Variants in LYRM7 observed in about 807,000 individuals in gnomAD.
LYRM7 encodes complex III assembly factor LYRM7.
In LYRM7, 9 loss-of-function variants were observed where a neutral mutation model predicts 15.8. The ratio of observed to expected loss-of-function variants is 0.57; its 90% CI spans 0.34 to 0.99. The LOEUF is 0.99. LYRM7 is among the 50% of genes least tolerant of loss of function. The probability of loss-of-function intolerance (pLI) is 0.02; values close to 1 mark genes in which losing one functional copy is unlikely to be tolerated. For missense variants in LYRM7, 115 were observed against 119.1 expected, an observed-to-expected ratio of 0.97 and a Z score of 0.16; for synonymous variants, 39 against 39.4, an observed-to-expected ratio of 0.99 and a Z score of 0.04.
At chr5:131,188,593 G>T (rs1440644983) in intron 4 of LYRM7, among the ~76,000 whole-genome samples, 2 of 151,966 alleles carry the variant, frequency 1.3e-5, no homozygotes, top group Admixed American at 1.3e-4. Flanking sequence ...TTTCTAAGGG[G>T]TTGTCTGCCT....
At chr5:131,181,302 A>AAATATATATATATATATATAT (rs1554089865) in intron 2 of LYRM7, among the ~76,000 whole-genome samples, 1 of 8,774 alleles carries the variant, frequency 1.1e-4, no homozygotes, top group Non-Finnish European at 3.3e-4. Flanking sequence ...AAAAAAAAAA[A>AAATATATATATATATATATAT]ATATATATAT....
chr5:131,188,891 A>G (rs190079338), intron 4 of LYRM7, among the ~76,000 whole-genome samples: 3 of 152,276 alleles, frequency 2.0e-5, no homozygotes, highest in Non-Finnish European at 4.4e-5. Flanking sequence ...TCACACCTGT[A>G]ATCCCTGCAC....
At chr5:131,189,778 G>T (rs981928846) in intron 4 of LYRM7, among the ~76,000 whole-genome samples, 1 of 152,026 alleles carries the variant, frequency 6.6e-6, no homozygotes, top group Non-Finnish European at 1.5e-5. Flanking sequence ...CTTCCTACCT[G>T]GTAGTATAAG....
At chr5:131,174,296 C>G (rs1755565578) in intron 1 of LYRM7, among the ~76,000 whole-genome samples, 2 of 152,258 alleles carry the variant, frequency 1.3e-5, no homozygotes, top group African/African-American at 2.4e-5. Flanking sequence ...TAAGGCTCCA[C>G]TTCTTATCCT....
intron 1 of LYRM7, chr5:131,171,817 A>G (rs1755527337): frequency 6.6e-6 from 1 of 152,222 alleles, no homozygotes; most frequent in Admixed American, 6.5e-5. Flanking sequence ...TATGGGAACC[A>G]CCAAGCAGCC....
Position 131,199,855 on chromosome 5 carries a change from A to G in LYRM7, c.*254A>G, listed in dbSNP as rs1189983477. 7.4e-6 allele frequency: 2 copies of G among 269,446 alleles called. No homozygotes were observed. Among genetic ancestry groups the G allele is most frequent in the Non-Finnish European group, 1.4e-5 (2 of 144,076 alleles). 16.7% of individuals were successfully genotyped at this position (269,446 alleles called of 1,614,324 possible). ...AAAATCAAATTTCATAAAGCAAAGT[A>G]AATGCTTAGGGAGATATATTCAATC... On this transcript the variant is annotated 3_prime_UTR_variant, in exon 5 of 5. Coordinates refer to ENST00000379380, the MANE Select transcript of LYRM7 (RefSeq NM_181705.4).
intron 3 of LYRM7, among the ~76,000 whole-genome samples, chr5:131,186,225 C>A (rs1035086721): frequency 3.9e-5 from 6 of 152,178 alleles, no homozygotes; most frequent in Admixed American, 1.3e-4. Context: ...CTTAATGACA[C>A]AGCCAAAGTT....
chr5:131,196,712 G>C lies in LYRM7; in HGVS notation c.245-2819G>C, dbSNP rs1053488474. 2.0e-5 allele frequency among the ~76,000 whole-genome samples: 3 copies of C among 151,572 alleles called. No individual in the cohort carries two copies. In the East Asian group the frequency reaches 5.8e-4, roughly 29 times the overall value. ...AGATGGAGTCTAGCTCTGTCGCCCA[G>C]GCTGAAGTACAGTGGCACGATCTCG... On this transcript the variant is annotated intron_variant, in intron 4 of 4. Coordinates refer to ENST00000379380, the MANE Select transcript of LYRM7 (RefSeq NM_181705.4).
intron 4 of LYRM7, among the ~76,000 whole-genome samples, chr5:131,190,732 C>G (rs1755872994): frequency 6.6e-6 from 1 of 152,014 alleles, no homozygotes; most frequent in African/African-American, 2.4e-5. Context: ...CTCAGGTGAT[C>G]CACCTGCCTC....
At chr5:131,178,869 G>A (rs989683420) in intron 1 of LYRM7, among the ~76,000 whole-genome samples, 7 of 150,844 alleles carry the variant, frequency 4.6e-5, no homozygotes, top group Non-Finnish European at 1.0e-4. Context: ...GGCTGAGGCA[G>A]GAGAATCGCT....
At chr5:131,197,531 T>C (rs1024687771) in intron 4 of LYRM7, among the ~76,000 whole-genome samples, 2 of 143,454 alleles carry the variant, frequency 1.4e-5, no homozygotes, top group Non-Finnish European at 3.0e-5. Flanking sequence ...GTTTTAGTGT[T>C]GTCTTCTGTC....
In LYRM7 at chr5:131,201,691, C is replaced by T. The variant is rs1756070004; in HGVS notation, c.*2090C>T. The T allele has an allele frequency of 6.6e-6, 1 of 152,270 alleles. No homozygotes were observed. The highest frequency in any genetic ancestry group is 6.5e-5 in the Admixed American group (1 of 15,276). The allele number at this position is 152,270 out of a possible 1,614,324, so 9.4% of individuals were successfully genotyped here. ...CCGAGATCGCACCATTGCACTCCAGCCTAGGCAACAAGAGTGAAACTCCGT... is the reference window on the plus strand; with the variant it reads ...CCGAGATCGCACCATTGCACTCCAGTCTAGGCAACAAGAGTGAAACTCCGT... On this transcript the variant is annotated 3_prime_UTR_variant, in exon 5 of 5. Transcript: ENST00000379380.
intron 4 of LYRM7, among the ~76,000 whole-genome samples, chr5:131,191,125 T>C (rs928910324): frequency 5.3e-5 from 8 of 151,810 alleles, no homozygotes; most frequent in Admixed American, 4.6e-4. Flanking sequence ...TTAATACATA[T>C]TGCCTTAATA....
chr5:131,180,736 T>G (rs1755677777), intron 2 of LYRM7, among the ~76,000 whole-genome samples: 1 of 152,232 alleles, frequency 6.6e-6, no homozygotes, highest in East Asian at 1.9e-4. Context: ...GATTTAAGTT[T>G]TTGTAACTCA....
chr5:131,178,158 T>C (rs920881440), intron 1 of LYRM7, among the ~76,000 whole-genome samples: 1 of 152,236 alleles, frequency 6.6e-6, no homozygotes, highest in Non-Finnish European at 1.5e-5. Context: ...TTTGATGTTA[T>C]AGGTTTTCTA....
chr5:131,201,353 A>C lies in LYRM7; in HGVS notation c.*1752A>C, dbSNP rs1459881598. On this transcript the variant is annotated 3_prime_UTR_variant, in exon 5 of 5. Coordinates refer to ENST00000379380, the MANE Select transcript of LYRM7 (RefSeq NM_181705.4). The stretch of plus-strand genomic sequence containing the variant: ...AAAAAAAAGGAAAAAGGAAAAAAAA[A>C]AGATATATTGATACAGATAGGTAGA... The C allele has an allele frequency of 6.6e-6, 1 of 152,040 alleles. No individual in the cohort carries two copies. The highest frequency in any genetic ancestry group is 1.5e-5 in the Non-Finnish European group (1 of 68,062). 9.4% of individuals were successfully genotyped at this position (152,040 alleles called of 1,614,324 possible).
Position 131,204,742 on chromosome 5 carries a change from T to TTGTG in LYRM7, c.*5157_*5160dup, listed in dbSNP as rs1554091526. On this transcript the variant is annotated 3_prime_UTR_variant, in exon 5 of 5. Transcript: ENST00000379380. ...AGCATTTCAGAAAACGGATGTTCAT[T>TTGTG]TGTGTGTGTGTGTGTGTGTAAGCAG... 3 of 149,874 alleles carry TTGTG rather than the reference T, an allele frequency of 2.0e-5. No homozygotes were observed. Among genetic ancestry groups the TTGTG allele is most frequent in the Admixed American group, 1.3e-4 (2 of 15,026 alleles). The allele number at this position is 149,874 out of a possible 1,614,324, so 9.3% of individuals were successfully genotyped here. A position where few individuals can be genotyped will look rare whatever the true frequency, so the allele number is the denominator to read the frequency against.
chr5:131,184,524 C>T (rs1755762574), intron 3 of LYRM7, among the ~76,000 whole-genome samples: 1 of 151,974 alleles, frequency 6.6e-6, no homozygotes, highest in African/African-American at 2.4e-5. Context: ...TAATACTACG[C>T]CTTGACATGA....
chr5:131,199,655 C>A lies in LYRM7; in HGVS notation c.*54C>A. ...CTTTTTAACTTTAAAATCTACAACTCTGGCAAAAGTCCTGGAAATGCAGAC... is the reference window on the plus strand; with the variant it reads ...CTTTTTAACTTTAAAATCTACAACTATGGCAAAAGTCCTGGAAATGCAGAC... On this transcript the variant is annotated 3_prime_UTR_variant, in exon 5 of 5. Transcript: ENST00000379380. 2 of 1,285,140 alleles carry A rather than the reference C, an allele frequency of 1.6e-6. No individual in the cohort carries two copies. The highest frequency in any genetic ancestry group is 2.2e-6 in the Non-Finnish European group (2 of 914,714). The allele number at this position is 1,285,140 out of a possible 1,614,324, so 79.6% of individuals were successfully genotyped here.
Sources: gnomAD v4.1 joint callset for allele counts (sites outside exome capture counted in the v4.1 genomes callset) on GRCh38, gnomAD v4.1.1 for gene constraint, MANE v1.5 for transcripts, NCBI Gene and HGNC (gene_info 2026-07-23, HGNC 2026-07-21) for gene names.